The following CNTN3 variants were observed in gnomAD, a reference collection of about 807,000 sequenced individuals.
CNTN3 encodes contactin 3, also known as contactin-3.
CNTN3 carries 60 observed loss-of-function variants against 119.1 expected under a neutral mutation model. The ratio of observed to expected loss-of-function variants is 0.50; its 90% CI spans 0.41 to 0.62. The LOEUF is 0.62. Among genes scored for constraint, CNTN3 ranks in the 20% least tolerant of loss-of-function variants. The pLI is 0.00. For synonymous variants in CNTN3, 450 were observed against 438.7 expected (o/e 1.03, Z -0.32); for missense variants, 1,101 against 1,242.4 (o/e 0.89, Z 1.71).
chr3:74,544,974 T>C (rs1291872924), intron 1 of CNTN3, among the ~76,000 whole-genome samples: 1 of 152,028 alleles, frequency 6.6e-6, no homozygotes, highest in African/African-American at 2.4e-5. Context: ...GAATAAGCCA[T>C]CCCCCAAAAC....
intron 1 of CNTN3, among the ~76,000 whole-genome samples, 71 bp downstream of exon 1, chr3:74,614,320 A>G (rs1303802611): frequency 6.6e-6 from 1 of 152,086 alleles, no homozygotes; most frequent in Non-Finnish European, 1.5e-5. Context: ...GCCAGGGCGT[A>G]AAGTTTGCCC....
At chr3:74,558,817 A>G (rs192597514) in intron 1 of CNTN3, among the ~76,000 whole-genome samples, 1 of 152,058 alleles carries the variant, frequency 6.6e-6, no homozygotes, top group Admixed American at 6.5e-5. Flanking sequence ...CCCTATCTCT[A>G]CTAAAAATAC....
chr3:74,606,007 T>G (rs1041503866), intron 1 of CNTN3, among the ~76,000 whole-genome samples: 1 of 152,010 alleles, frequency 6.6e-6, no homozygotes, highest in African/African-American at 2.4e-5. Flanking sequence ...CTTAATACAT[T>G]TTACATCCCC....
At chr3:74,495,516 T>C (rs1264596401) in intron 3 of CNTN3, among the ~76,000 whole-genome samples, 1 of 152,038 alleles carries the variant, frequency 6.6e-6, no homozygotes, top group Non-Finnish European at 1.5e-5. Flanking sequence ...TACAGTACTA[T>C]GTATAGTACT....
chr3:74,401,258 G>C (rs1015106607), intron 5 of CNTN3, among the ~76,000 whole-genome samples: 1 of 152,152 alleles, frequency 6.6e-6, no homozygotes, highest in Non-Finnish European at 1.5e-5. Flanking sequence ...CACAAGATGA[G>C]ATTTTTTAAC....
chr3:74,371,038 A>T (rs12108178), intron 6 of CNTN3, among the ~76,000 whole-genome samples, 158 bp downstream of exon 6: 2,368 of 152,286 alleles, frequency 0.016, 69 homozygotes, highest in African/African-American at 0.055. Context: ...ACTATGAGTT[A>T]TCAAATCATT....
chr3:74,524,830 A>C (rs547963885), intron 1 of CNTN3, among the ~76,000 whole-genome samples: 1 of 151,654 alleles, frequency 6.6e-6, no homozygotes, highest in African/African-American at 2.4e-5. Context: ...TTTAACAATC[A>C]CCTCTGGGCA....
chr3:74,418,555 G>A (rs1458112011), intron 5 of CNTN3, among the ~76,000 whole-genome samples: 1 of 151,408 alleles, frequency 6.6e-6, no homozygotes. Flanking sequence ...TGGCCAGGCT[G>A]GTCTCCATCT....
intron 5 of CNTN3, among the ~76,000 whole-genome samples, chr3:74,375,661 C>T (rs145398012): frequency 1.4e-3 from 220 of 152,160 alleles, no homozygotes; most frequent in African/African-American, 5.0e-3. Context: ...TTTCAAGATG[C>T]TGTGCTCTTG....
At chr3:74,468,350 C>T (rs1454466487) in intron 4 of CNTN3, among the ~76,000 whole-genome samples, 1 of 152,114 alleles carries the variant, frequency 6.6e-6, no homozygotes, top group Non-Finnish European at 1.5e-5. Context: ...GCCAAGGCTA[C>T]ATATCAAAGA....
At chr3:74,563,490 C>T (rs1011381873) in intron 1 of CNTN3, among the ~76,000 whole-genome samples, 14 of 152,082 alleles carry the variant, frequency 9.2e-5, no homozygotes, top group Non-Finnish European at 1.6e-4. Context: ...TTTTACTGGT[C>T]GAGTGGGCTT....
intron 1 of CNTN3, among the ~76,000 whole-genome samples, chr3:74,602,663 T>G (rs992845827): frequency 6.6e-6 from 1 of 152,086 alleles, no homozygotes; most frequent in Non-Finnish European, 1.5e-5. Flanking sequence ...TTTATGTACA[T>G]GTGACTAAGA....
chr3:74,610,461 A>C (rs944369249), intron 1 of CNTN3, among the ~76,000 whole-genome samples: 4 of 152,202 alleles, frequency 2.6e-5, no homozygotes, highest in Non-Finnish European at 5.9e-5. Context: ...AAAGAGCTCA[A>C]CACATCTGCA....
intron 5 of CNTN3, among the ~76,000 whole-genome samples, chr3:74,388,531 A>G (rs1704815114): frequency 1.3e-5 from 2 of 152,056 alleles, no homozygotes; most frequent in Non-Finnish European, 2.9e-5. Context: ...CCAGTAATAG[A>G]TTTATTTTTA....
intron 1 of CNTN3, among the ~76,000 whole-genome samples, chr3:74,550,062 G>A (rs1270961206): frequency 6.6e-6 from 1 of 152,184 alleles, no homozygotes; most frequent in African/African-American, 2.4e-5. Flanking sequence ...AGTCTAGGTA[G>A]GCACAAGAGA....
intron 1 of CNTN3, among the ~76,000 whole-genome samples, chr3:74,610,175 T>G (rs1705056966): frequency 6.6e-6 from 1 of 151,810 alleles, no homozygotes; most frequent in African/African-American, 2.4e-5. Context: ...ATCCAAAAAT[T>G]AGCCAGGGCA....
At chr3:74,278,828 G>A (rs1701935784) in intron 20 of CNTN3, among the ~76,000 whole-genome samples, 1 of 152,012 alleles carries the variant, frequency 6.6e-6, no homozygotes, top group African/African-American at 2.4e-5. Flanking sequence ...ACAACCTAAA[G>A]AGTAGGAGAA....
intron 20 of CNTN3, among the ~76,000 whole-genome samples, chr3:74,269,599 A>G (rs1701729619): frequency 1.3e-5 from 2 of 152,316 alleles, no homozygotes; most frequent in South Asian, 4.1e-4. Context: ...AGATTGTATA[A>G]GCATGTTCAT....
At position 74,521,126 on chromosome 3, in the gene CNTN3, A is replaced by ATATT; in HGVS notation, c.-15_-14insAATA. The ATATT allele has an allele frequency of 1.3e-6, 2 of 1,575,032 alleles. No homozygotes were observed. Among genetic ancestry groups the ATATT allele is most frequent in the South Asian group, 2.3e-5 (2 of 88,550 alleles). The stretch of plus-strand genomic sequence containing the variant: ...TGGAAACATCATCTTTAATTGCCAA[A>ATATT]TGCAAGAGTAACTCTTGTCCAGTCT... On this transcript the variant is annotated 5_prime_UTR_variant, in exon 2 of 23. Coordinates refer to ENST00000263665, the MANE Select transcript of CNTN3 (RefSeq NM_020872.3).
Sources: allele counts gnomAD v4.1 joint callset (sites outside exome capture counted in the v4.1 genomes callset), GRCh38; gene constraint gnomAD v4.1.1; transcripts MANE v1.5; gene names NCBI Gene and HGNC (gene_info 2026-07-23, HGNC 2026-07-21).